The following GRM3 variants were observed in gnomAD, a reference collection of about 807,000 sequenced individuals.
The protein encoded by GRM3 is glutamate metabotropic receptor 3.
A neutral mutation model predicts 70.5 loss-of-function variants in GRM3; 26 were observed. The observed-to-expected ratio is 0.37, with a 90% CI of 0.27 to 0.51. GRM3 has a LOEUF of 0.51. GRM3 is among the 20% of genes least tolerant of loss of function. The pLI, the probability that GRM3 is intolerant of heterozygous loss-of-function variation, is 0.93. For synonymous variants in GRM3, 443 were observed against 434.9 expected (o/e 1.02, Z -0.23); for missense variants, 859 against 1,123.8 (o/e 0.76, Z 3.37).
At chr7:86,647,090 G>T (rs1793492072) in intron 1 of GRM3, among the ~76,000 whole-genome samples, 2 of 152,158 alleles carry the variant, frequency 1.3e-5, no homozygotes, top group African/African-American at 4.8e-5. Flanking sequence ...AAAGAATGGG[G>T]ATAATTGTCA....
At chr7:86,801,507 T>G (rs1266030892) in intron 3 of GRM3, among the ~76,000 whole-genome samples, 1 of 152,184 alleles carries the variant, frequency 6.6e-6, no homozygotes, top group Non-Finnish European at 1.5e-5. Context: ...GTGACATATG[T>G]ACATAGAAAA....
chr7:86,704,244 C>G (rs1353034906), intron 1 of GRM3, among the ~76,000 whole-genome samples: 1 of 151,756 alleles, frequency 6.6e-6, no homozygotes. Context: ...TTTATAGGTA[C>G]AGATAAGAAA....
At chr7:86,688,815 G>GATAT (rs369715120) in intron 1 of GRM3, among the ~76,000 whole-genome samples, 118 of 141,636 alleles carry the variant, frequency 8.3e-4, no homozygotes, top group South Asian at 3.1e-3. Context: ...TCACACATAT[G>GATAT]ATATATATAT....
At chr7:86,802,055 C>A (rs1413376172) in intron 3 of GRM3, among the ~76,000 whole-genome samples, 1 of 152,118 alleles carries the variant, frequency 6.6e-6, no homozygotes, top group African/African-American at 2.4e-5. Context: ...AGAAAACTAG[C>A]ATTTATTGAT....
chr7:86,650,344 A>AT (rs1211601257), intron 1 of GRM3, among the ~76,000 whole-genome samples: 1 of 151,968 alleles, frequency 6.6e-6, no homozygotes, highest in Non-Finnish European at 1.5e-5. Flanking sequence ...TTGCCTCACA[A>AT]TTTTTTAATT....
chr7:86,691,342 A>T (rs11976887), intron 1 of GRM3, among the ~76,000 whole-genome samples: 3,078 of 152,198 alleles, frequency 0.02, 106 homozygotes, highest in African/African-American at 0.07. Context: ...TTAAGCAGCC[A>T]AAGTGGGCTT....
At chr7:86,788,184 A>T (rs1278654727) in intron 3 of GRM3, among the ~76,000 whole-genome samples, 1 of 152,218 alleles carries the variant, frequency 6.6e-6, no homozygotes, top group Non-Finnish European at 1.5e-5. Flanking sequence ...AAGACCTGAA[A>T]GTTTATATGC....
At chr7:86,739,037 G>A (rs1004497309) in intron 1 of GRM3, among the ~76,000 whole-genome samples, 3 of 152,192 alleles carry the variant, frequency 2.0e-5, no homozygotes, top group African/African-American at 7.2e-5. Flanking sequence ...GAGTGCAGTG[G>A]TGCCATCTTG....
At chr7:86,696,130 C>CA (rs1310032104) in intron 1 of GRM3, among the ~76,000 whole-genome samples, 1 of 152,152 alleles carries the variant, frequency 6.6e-6, no homozygotes, top group African/African-American at 2.4e-5. Context: ...CCAAAGTGCT[C>CA]AGTCTGTCTG....
chr7:86,757,488 A>T (rs1237003933), intron 1 of GRM3, among the ~76,000 whole-genome samples: 1 of 152,186 alleles, frequency 6.6e-6, no homozygotes, highest in Non-Finnish European at 1.5e-5. Context: ...TAAAAAGCAC[A>T]AAGTGCCTAG....
intron 1 of GRM3, among the ~76,000 whole-genome samples, chr7:86,724,608 C>T (rs192898899): frequency 5.1e-4 from 77 of 152,250 alleles, no homozygotes; most frequent in Non-Finnish European, 4.7e-4. Context: ...GTGTTCCTAA[C>T]ATTCTAATGA....
intron 1 of GRM3, among the ~76,000 whole-genome samples, chr7:86,763,872 G>A (rs930572524): frequency 2.6e-5 from 4 of 152,062 alleles, no homozygotes; most frequent in Non-Finnish European, 5.9e-5. Context: ...TTTGGGGGGT[G>A]GTAGCAGCTC....
chr7:86,723,778 T>C lies in GRM3; in HGVS notation c.-140-41228T>C, dbSNP rs146562771. On this transcript the variant is annotated intron_variant, in intron 1 of 5. Transcript: ENST00000361669. ...ACTTTAAAGTTTTCTCTGCCCCTAGTTGCAGTCTTCACCTTGTTCCCCAGC... is the reference window on the plus strand; with the variant it reads ...ACTTTAAAGTTTTCTCTGCCCCTAGCTGCAGTCTTCACCTTGTTCCCCAGC... 2.6e-5 allele frequency among the ~76,000 whole-genome samples: 4 copies of C among 152,224 alleles called. No homozygotes were observed. The East Asian group carries it at 7.7e-4, about 29-fold the overall frequency.
chr7:86,766,381 TA>T (rs376927010), intron 2 of GRM3, among the ~76,000 whole-genome samples: 4,265 of 143,802 alleles, frequency 0.03, 182 homozygotes, highest in African/African-American at 0.095. Context: ...TTACTACCAT[TA>T]AAAAAAAAAA....
chr7:86,786,451 G>T lies in GRM3; in HGVS notation c.659G>T (p.Gly220Val). Residue 220 changes from glycine to valine, a missense_variant, in exon 3 of 6, where the codon GGT (glycine) becomes GTT (valine). Physicochemically the swap from Gly to Val is moderately radical, Grantham distance 109. Coordinates refer to ENST00000361669, the MANE Select transcript of GRM3 (RefSeq NM_000840.3). This position sits in a 1 kb window ranked among gnomAD's most constrained non-coding sequence, Gnocchi z 6.0. ...TACGTGTCCACAGTAGCCTCCGAGG[G>T]TGATTACGGGGAGACAGGGATCGAG... ...WTYVSTVASE[G>V]DYGETGIEAF... 6.2e-7 allele frequency: 1 copy of T among 1,614,250 alleles called. No homozygotes were observed. The highest frequency in any genetic ancestry group is 8.5e-7 in the Non-Finnish European group (1 of 1,180,042).
chr7:86,806,572 C>T (rs1797798093), intron 3 of GRM3, among the ~76,000 whole-genome samples: 1 of 152,184 alleles, frequency 6.6e-6, no homozygotes, highest in African/African-American at 2.4e-5. Flanking sequence ...TGTTCATATC[C>T]TTCACCCACT....
At chr7:86,733,313 C>CA (rs61108218) in intron 1 of GRM3, among the ~76,000 whole-genome samples, 40,046 of 115,272 alleles carry the variant, frequency 0.35, 7,271 homozygotes, top group African/African-American at 0.55. Flanking sequence ...CACGCCGTCT[C>CA]AAAAAAAAAA....
At chr7:86,760,861 AAGGAAAAAAT>A (rs1457479680) in intron 1 of GRM3, among the ~76,000 whole-genome samples, 3 of 152,144 alleles carry the variant, frequency 2.0e-5, no homozygotes, top group Non-Finnish European at 4.4e-5. Flanking sequence ...ACAGAGCTAA[AAGGAAAAAAT>A]ATTTTACATG....
At chr7:86,687,876 A>G (rs1239310956) in intron 1 of GRM3, among the ~76,000 whole-genome samples, 1 of 151,872 alleles carries the variant, frequency 6.6e-6, no homozygotes, top group Non-Finnish European at 1.5e-5. Context: ...ATAATGTAAC[A>G]CTGAGGAGTA....
Sources: gnomAD v4.1 joint callset for allele counts (sites outside exome capture counted in the v4.1 genomes callset) on GRCh38, gnomAD v4.1.1 for gene constraint, Gnocchi (gnomAD v3.1) non-coding constraint, MANE v1.5 for transcripts, NCBI Gene and HGNC (gene_info 2026-07-23, HGNC 2026-07-21) for gene names.